Variants in GPR65 observed in about 807,000 individuals in gnomAD.
GPR65 encodes G protein-coupled receptor 65.
Under a neutral mutation model 0.7 loss-of-function variants are expected in GPR65, and 2 were observed. The ratio of observed to expected loss-of-function variants is 2.83; its 90% CI spans 1.16 to 8.92. GPR65 has a LOEUF of 8.92. Ranked by LOEUF, GPR65 falls within the 30% of genes most tolerant of loss-of-function variation. GPR65 has a pLI of 0.04. For missense variants in GPR65, 379 were observed against 399.4 expected, an observed-to-expected ratio of 0.95 and a Z score of 0.43; for synonymous variants, 128 against 146.5, an observed-to-expected ratio of 0.87 and a Z score of 0.91.
At position 88,011,243 on chromosome 14, in the gene GPR65, C is replaced by T; in HGVS notation, c.396C>T (p.Leu132=). The change falls in exon 2 of 2, where the codon CTC becomes CTT. Residue 132 remains leucine, a synonymous_variant. Coordinates refer to ENST00000267549, the MANE Select transcript of GPR65 (RefSeq NM_003608.4). ...FFFLRTRRFA[L]MVSLSIWILE... Reference sequence around the variant, plus strand: ...TCCTAAGGACAAGAAGATTTGCACTCATGGTCAGCCTGTCCATCTGGATAT... The same window carrying T: ...TCCTAAGGACAAGAAGATTTGCACTTATGGTCAGCCTGTCCATCTGGATAT... The T allele has an allele frequency of 6.2e-7, 1 of 1,613,892 alleles. No individual in the cohort carries two copies. The highest frequency in any genetic ancestry group is 8.5e-7 in the Non-Finnish European group (1 of 1,179,866).
intron 1 of GPR65, among the ~76,000 whole-genome samples, chr14:88,009,376 T>C (rs922100260): frequency 1.3e-5 from 2 of 152,168 alleles, no homozygotes; most frequent in African/African-American, 4.8e-5. Flanking sequence ...AAGCTAAAAG[T>C]TTTCAGGAGT....
rs1481434422 is a variant in GPR65 at position 88,005,137 on chromosome 14, C to T, written c.-545C>T. Reference sequence around the variant, plus strand: ...TGAGTGCAATTTCCTGTCCCCTCAGCAGTGTTGGTTTCTCTTCTTGACTTG... The same window carrying T: ...TGAGTGCAATTTCCTGTCCCCTCAGTAGTGTTGGTTTCTCTTCTTGACTTG... On this transcript the variant is annotated 5_prime_UTR_variant, in exon 1 of 2. Coordinates refer to ENST00000267549, the MANE Select transcript of GPR65 (RefSeq NM_003608.4). The T allele has an allele frequency of 1.3e-5, 2 of 152,288 alleles. No homozygotes were observed. Among genetic ancestry groups the T allele is most frequent in the Non-Finnish European group, 2.9e-5 (2 of 68,022 alleles). 9.4% of individuals were successfully genotyped at this position (152,288 alleles called of 1,614,324 possible).
intron 1 of GPR65, among the ~76,000 whole-genome samples, chr14:88,006,761 T>C (rs1224640698): frequency 6.6e-6 from 1 of 152,120 alleles, no homozygotes; most frequent in Non-Finnish European, 1.5e-5. Flanking sequence ...CCAAGACACA[T>C]GAGCCTGGTG....
At chr14:88,009,194 C>G (rs761142962) in intron 1 of GPR65, among the ~76,000 whole-genome samples, 2 of 152,078 alleles carry the variant, frequency 1.3e-5, no homozygotes, top group African/African-American at 2.4e-5. Flanking sequence ...CTAGTGAGTT[C>G]CTCCAGATCT....
At position 88,005,136 on chromosome 14, in the gene GPR65, G is replaced by T. The variant is rs1255755860; in HGVS notation, c.-546G>T. ...ATGAGTGCAATTTCCTGTCCCCTCAGCAGTGTTGGTTTCTCTTCTTGACTT... is the reference window on the plus strand; with the variant it reads ...ATGAGTGCAATTTCCTGTCCCCTCATCAGTGTTGGTTTCTCTTCTTGACTT... On this transcript the variant is annotated 5_prime_UTR_variant, in exon 1 of 2. Transcript: ENST00000267549. 1 of 152,242 alleles carries T rather than the reference G, an allele frequency of 6.6e-6. No homozygotes were observed. The highest frequency in any genetic ancestry group is 1.5e-5 in the Non-Finnish European group (1 of 68,014). 9.4% of individuals were successfully genotyped at this position (152,242 alleles called of 1,614,324 possible). A position where few individuals can be genotyped will look rare whatever the true frequency, so the allele number is the denominator to read the frequency against.
rs1887724751 is a variant in GPR65, at chr14:88,013,810, G to A, written c.*1949G>A. On this transcript the variant is annotated 3_prime_UTR_variant, in exon 2 of 2. Transcript: ENST00000267549. ...TGCAATGGGAAAATGGATCGAATCT[G>A]GGGTGAGGGGGAAGTGATGTGGGGG... 6.6e-6 allele frequency: 1 copy of A among 152,208 alleles called. No individual in the cohort carries two copies. Among genetic ancestry groups the A allele is most frequent in the South Asian group, 2.1e-4 (1 of 4,828 alleles). The allele number at this position is 152,208 out of a possible 1,614,324, so 9.4% of individuals were successfully genotyped here.
rs1407758676 is a variant in GPR65 at position 88,011,152 on chromosome 14, C to T, written c.305C>T (p.Thr102Ile). ...FLMYMNFYSS[T>I]AFLTCIAVDR... The stretch of plus-strand genomic sequence containing the variant: ...ATGTACATGAATTTTTACAGCAGCA[C>T]AGCATTCCTCACCTGCATTGCCGTT... The change falls in exon 2 of 2, where the codon ACA (threonine) becomes ATA (isoleucine). Residue 102 changes from threonine to isoleucine, a missense_variant. Physicochemically the swap from Thr to Ile is moderately conservative, Grantham distance 89. Transcript: ENST00000267549. 6.2e-7 allele frequency: 1 copy of T among 1,613,794 alleles called. No individual in the cohort carries two copies. The highest frequency in any genetic ancestry group is 8.5e-7 in the Non-Finnish European group (1 of 1,179,784).
At chr14:88,009,053 A>G (rs1352482816) in intron 1 of GPR65, among the ~76,000 whole-genome samples, 1 of 152,034 alleles carries the variant, frequency 6.6e-6, no homozygotes, top group Non-Finnish European at 1.5e-5. Context: ...TGTGGAATTT[A>G]TTTTATTTTG....
chr14:88,007,682 T>G (rs947326778), intron 1 of GPR65, among the ~76,000 whole-genome samples: 17 of 150,454 alleles, frequency 1.1e-4, no homozygotes, highest in Admixed American at 1.1e-3. Flanking sequence ...ATATTTTGTG[T>G]TTTTTATATA....
At chr14:88,005,463 G>A (rs2139779801) in intron 1 of GPR65, among the ~76,000 whole-genome samples, 1 of 152,138 alleles carries the variant, frequency 6.6e-6, no homozygotes, top group Admixed American at 6.5e-5. Flanking sequence ...GAAAAAGGGG[G>A]TTGTTCATAC....
At position 88,011,055 on chromosome 14, in the gene GPR65, T is replaced by C; in HGVS notation, c.208T>C (p.Trp70Arg). ...ACTCTATGCATTAACTCTCCCTTTA[T>C]GGATTGATTATACCTGGAATAAAGA... is the stretch of plus-strand genomic sequence containing the variant. Reference protein sequence around the residue: ...DLLYALTLPLWIDYTWNKDNW... With the variant: ...DLLYALTLPLRIDYTWNKDNW... The change falls in exon 2 of 2, where the codon TGG becomes CGG. Residue 70 changes from tryptophan (W) to arginine (R), a missense_variant. Physicochemically the swap from Trp to Arg is moderately radical, Grantham distance 101. Transcript: ENST00000267549. The C allele has an allele frequency of 6.2e-7, 1 of 1,612,508 alleles. No individual in the cohort carries two copies. Among genetic ancestry groups the C allele is most frequent in the Non-Finnish European group, 8.5e-7 (1 of 1,178,514 alleles).
At chr14:88,006,806 G>T (rs969724825) in intron 1 of GPR65, among the ~76,000 whole-genome samples, 1 of 152,074 alleles carries the variant, frequency 6.6e-6, no homozygotes, top group African/African-American at 2.4e-5. Context: ...AGTCCCATCC[G>T]CGGGGGCTGA....
rs901654771 is a variant in GPR65 at position 88,014,491 on chromosome 14, T to C, written c.*2630T>C. 3.3e-5 allele frequency: 5 copies of C among 152,234 alleles called. No homozygotes were observed. The highest frequency in any genetic ancestry group is 7.3e-5 in the Non-Finnish European group (5 of 68,040). The allele number at this position is 152,234 out of a possible 1,614,324, so 9.4% of individuals were successfully genotyped here. On this transcript the variant is annotated 3_prime_UTR_variant, in exon 2 of 2. Transcript: ENST00000267549. Reference sequence around the variant, plus strand: ...AAAAAATTACATCTTGTATTTGAATTGTTAAATCTGTTCCCTGCAAAGAAC... The same window carrying C: ...AAAAAATTACATCTTGTATTTGAATCGTTAAATCTGTTCCCTGCAAAGAAC...
At chr14:88,006,420 T>C (rs564156151) in intron 1 of GPR65, among the ~76,000 whole-genome samples, 29 of 152,206 alleles carry the variant, frequency 1.9e-4, no homozygotes, top group Non-Finnish European at 2.6e-4. Flanking sequence ...GCATTCGAAT[T>C]GTCTCCAGAG....
Position 88,010,923 on chromosome 14 carries a change from A to G in GPR65, c.76A>G (p.Ile26Val). 1.2e-6 allele frequency: 2 copies of G among 1,611,946 alleles called. No individual in the cohort carries two copies. The highest frequency in any genetic ancestry group is 1.7e-6 in the Non-Finnish European group (2 of 1,178,024). ...TCCCATTGTTTACATCTTTGTGATT[A>G]TAGTCAGCATTCCAGCCAATATTGG... ...LFPIVYIFVI[I>V]VSIPANIGSL... The change falls in exon 2 of 2, where the codon ATA (isoleucine) becomes GTA (valine). Residue 26 changes from isoleucine (I) to valine (V), a missense_variant. Physicochemically the swap from Ile to Val is conservative, Grantham distance 29. Coordinates refer to ENST00000267549, the MANE Select transcript of GPR65 (RefSeq NM_003608.4).
chr14:88,011,619 T>C lies in GPR65; in HGVS notation c.772T>C (p.Phe258Leu), dbSNP rs1361890949. 1 of 1,613,996 alleles carries C rather than the reference T, an allele frequency of 6.2e-7. No individual in the cohort carries two copies. Among genetic ancestry groups the C allele is most frequent in the African/African-American group, 1.3e-5 (1 of 74,912 alleles). Residue 258 changes from phenylalanine to leucine, a missense_variant, in exon 2 of 2, where the codon TTC (phenylalanine) becomes CTC (leucine). Coordinates refer to ENST00000267549, the MANE Select transcript of GPR65 (RefSeq NM_003608.4). Reference protein sequence around the residue: ...IRCILEHAVNFEDHSNSGKRT... With the variant: ...IRCILEHAVNLEDHSNSGKRT... ...CTGCATTTTAGAGCATGCTGTGAAC[T>C]TCGAAGACCACAGCAATTCTGGGAA... is the stretch of plus-strand genomic sequence containing the variant.
chr14:88,007,469 C>T (rs1439425681), intron 1 of GPR65, among the ~76,000 whole-genome samples: 2 of 151,704 alleles, frequency 1.3e-5, no homozygotes, highest in Non-Finnish European at 2.9e-5. Flanking sequence ...TTATCTCTAT[C>T]TTGCAATATA....
Position 88,011,430 on chromosome 14 carries a change from C to T in GPR65, c.583C>T (p.Pro195Ser), listed in dbSNP as rs1887678366. ...LFRTCTGYAI[P>S]LVTILICNRK... is the part of the protein sequence containing the mutation. ...CAGGACGTGTACAGGCTATGCAATA[C>T]CTTTGGTCACCATCCTGATCTGCAA... is the stretch of plus-strand genomic sequence containing the variant. Residue 195 changes from proline to serine, a missense_variant, in exon 2 of 2, where the codon CCT (proline) becomes TCT (serine). Pro to Ser is a moderately conservative substitution (Grantham distance 74). Coordinates refer to ENST00000267549, the MANE Select transcript of GPR65 (RefSeq NM_003608.4). 1.2e-6 allele frequency: 2 copies of T among 1,613,918 alleles called. No homozygotes were observed. Among genetic ancestry groups the T allele is most frequent in the Non-Finnish European group, 1.7e-6 (2 of 1,179,948 alleles).
chr14:88,010,934 T>G lies in GPR65; in HGVS notation c.87T>G (p.Ile29Met), dbSNP rs746629867. 9.3e-6 allele frequency: 15 copies of G among 1,612,334 alleles called. No individual in the cohort carries two copies. Among genetic ancestry groups the G allele is most frequent in the Non-Finnish European group, 1.3e-5 (15 of 1,178,500 alleles). The change falls in exon 2 of 2, where the codon ATT (isoleucine) becomes ATG (methionine). Residue 29 changes from isoleucine (I) to methionine (M), a missense_variant. By Grantham distance (10) the Ile-to-Met change is conservative (BLOSUM62 1). Coordinates refer to ENST00000267549, the MANE Select transcript of GPR65 (RefSeq NM_003608.4). ...IVYIFVIIVS[I>M]PANIGSLCVS... ...ACATCTTTGTGATTATAGTCAGCATTCCAGCCAATATTGGATCTCTGTGTG... is the reference window on the plus strand; with the variant it reads ...ACATCTTTGTGATTATAGTCAGCATGCCAGCCAATATTGGATCTCTGTGTG...
Sources: gnomAD v4.1 joint callset for allele counts (sites outside exome capture counted in the v4.1 genomes callset) on GRCh38, gnomAD v4.1.1 for gene constraint, MANE v1.5 for transcripts, NCBI Gene and HGNC (gene_info 2026-07-23, HGNC 2026-07-21) for gene names.